PHACTR4: variants seen among roughly 807,000 people sequenced by gnomAD.
PHACTR4 encodes the protein protein phosphatase 1, regulatory subunit 124.
PHACTR4 carries 51 observed loss-of-function variants against 72.7 expected under a neutral mutation model. That is an observed-to-expected ratio of 0.70 (90% CI 0.56 to 0.89). PHACTR4 has a LOEUF of 0.89. Ranked by LOEUF, PHACTR4 falls within the 40% of genes least tolerant of loss-of-function variation. The pLI is 0.00. For missense variants in PHACTR4, 731 were observed against 861.8 expected (o/e 0.85, Z 1.90); for synonymous variants, 255 against 302.5 (o/e 0.84, Z 1.63).
intron 1 of PHACTR4, among the ~76,000 whole-genome samples, chr1:28,382,559 T>TC (rs1391868752): frequency 6.6e-6 from 1 of 152,088 alleles, no homozygotes; most frequent in Admixed American, 6.6e-5. Context: ...CGCCTCAGCC[T>TC]CCCAAAGTGC....
At chr1:28,444,793 T>C (rs2124422893) in intron 2 of PHACTR4, among the ~76,000 whole-genome samples, 1 of 146,152 alleles carries the variant, frequency 6.8e-6, no homozygotes, top group Non-Finnish European at 1.5e-5. Flanking sequence ...TTTTTTTTTT[T>C]TTTTTTTGTA....
At chr1:28,490,306 T>A (rs78228196) in intron 10 of PHACTR4, among the ~76,000 whole-genome samples, 2 of 151,944 alleles carry the variant, frequency 1.3e-5, no homozygotes, top group East Asian at 3.9e-4. Context: ...CCGAGGCGAG[T>A]GGATCACAAG....
chr1:28,487,791 A>C lies in PHACTR4; in HGVS notation c.1761-1379A>C, dbSNP rs1320247364. Among the ~76,000 whole-genome samples the C allele has an allele frequency of 3.2e-5, 4 of 124,154 alleles. No individual in the cohort carries two copies. The East Asian group carries it at 9.1e-4, about 28-fold the overall frequency. The allele number at this position is 124,154 out of a possible 152,430, so 81.4% of individuals were successfully genotyped here. On this transcript the variant is annotated intron_variant, in intron 9 of 13. Coordinates refer to ENST00000373839, the MANE Select transcript of PHACTR4 (RefSeq NM_001048183.3). The stretch of plus-strand genomic sequence containing the variant: ...CACTCTGTCGCCCAAGCAGGAGTGC[A>C]GTAGCATGAGCTTCAGCTCACTGCA...
chr1:28,438,694 TTTATA>T (rs1164944025), intron 2 of PHACTR4, among the ~76,000 whole-genome samples: 2 of 152,340 alleles, frequency 1.3e-5, no homozygotes, highest in African/African-American at 2.4e-5. Context: ...TTTGAAGTTT[TTTATA>T]TTATATTGCT....
intron 1 of PHACTR4, among the ~76,000 whole-genome samples, chr1:28,390,437 T>C (rs1652920922): frequency 6.6e-6 from 1 of 152,212 alleles, no homozygotes; most frequent in Non-Finnish European, 1.5e-5. Flanking sequence ...GCATTAAATA[T>C]CTGTTGGGTA....
intron 6 of PHACTR4, among the ~76,000 whole-genome samples, chr1:28,468,114 T>C (rs1296139665): frequency 2.6e-5 from 4 of 152,288 alleles, no homozygotes; most frequent in African/African-American, 9.6e-5. Context: ...TTGGAGTAGC[T>C]TGATGAAAAC....
intron 13 of PHACTR4, among the ~76,000 whole-genome samples, chr1:28,493,747 G>A (rs961019927): frequency 6.6e-6 from 1 of 152,196 alleles, no homozygotes; most frequent in Non-Finnish European, 1.5e-5. Context: ...CTTCAAGGAT[G>A]TGAGGTGCTC....
At chr1:28,382,335 C>T (rs10902699) in intron 1 of PHACTR4, among the ~76,000 whole-genome samples, 58,973 of 151,226 alleles carry the variant, frequency 0.39, 13,289 homozygotes, top group African/African-American at 0.62. Context: ...ACAGAGTCTC[C>T]CTCTGTTGCC....
chr1:28,416,181 A>G (rs1265755150), intron 2 of PHACTR4, among the ~76,000 whole-genome samples: 1 of 152,174 alleles, frequency 6.6e-6, no homozygotes, highest in African/African-American at 2.4e-5. Context: ...AAATTCCTCC[A>G]GTATTACATG....
At chr1:28,375,377 ATTAT>A (rs1016775499) in intron 1 of PHACTR4, among the ~76,000 whole-genome samples, 3 of 149,608 alleles carry the variant, frequency 2.0e-5, no homozygotes, top group African/African-American at 7.4e-5. Flanking sequence ...TTGGAAGAAG[ATTAT>A]TTATAAAGAG....
intron 1 of PHACTR4, among the ~76,000 whole-genome samples, chr1:28,380,051 C>CTTTTT (rs1227241664): frequency 1.4e-4 from 16 of 117,308 alleles, no homozygotes; most frequent in Admixed American, 3.0e-4. Context: ...TTAAATGTAA[C>CTTTTT]TTTTTTTTTT....
At chr1:28,388,760 G>A (rs189877041) in intron 1 of PHACTR4, among the ~76,000 whole-genome samples, 58 of 152,188 alleles carry the variant, frequency 3.8e-4, no homozygotes, top group Non-Finnish European at 6.3e-4. Context: ...TGAGATAGGA[G>A]AATCGCTTGA....
intron 2 of PHACTR4, 35 bp from the exon 3 acceptor site, chr1:28,459,050 T>G: frequency 6.4e-7 from 1 of 1,551,208 alleles, no homozygotes; most frequent in Non-Finnish European, 8.8e-7. Context: ...AAATAATACA[T>G]TTGCTTCCTT....
intron 1 of PHACTR4, among the ~76,000 whole-genome samples, chr1:28,391,518 G>A (rs2124194586): frequency 6.6e-6 from 1 of 150,936 alleles, no homozygotes; most frequent in South Asian, 2.1e-4. Context: ...GTTGGTCAAA[G>A]GATATAAAAT....
chr1:28,415,702 G>T (rs868393912), intron 2 of PHACTR4, among the ~76,000 whole-genome samples: 65 of 152,238 alleles, frequency 4.3e-4, no homozygotes, highest in African/African-American at 1.5e-3. Flanking sequence ...TTTGGTGATT[G>T]TTTAATGAGA....
intron 9 of PHACTR4, 104 bp from the exon 10 acceptor site, chr1:28,489,066 T>G: frequency 1.4e-6 from 1 of 725,508 alleles, no homozygotes. Flanking sequence ...ATTTGTTGAT[T>G]TCTTACTTAT....
chr1:28,454,062 A>T lies in PHACTR4; in HGVS notation c.17-5023A>T, dbSNP rs567306302. 199 of 259,920 alleles carry T rather than the reference A, an allele frequency of 7.7e-4. 1 individual carries two copies. The highest frequency in any genetic ancestry group is 2.9e-3 in the East Asian group (30 of 10,352). 16.1% of individuals were successfully genotyped at this position (259,920 alleles called of 1,614,324 possible). A position where few individuals can be genotyped will look rare whatever the true frequency, so the allele number is the denominator to read the frequency against. ...AAGACCTTGTCTCTATTAAAAAAAA[A>T]TTTTTTTTTTAATTAGCCAGGTGTA... On this transcript the variant is annotated intron_variant, in intron 2 of 13. Coordinates refer to ENST00000373839, the MANE Select transcript of PHACTR4 (RefSeq NM_001048183.3).
At chr1:28,482,441 A>G (rs889075966) in intron 9 of PHACTR4, among the ~76,000 whole-genome samples, 2 of 152,176 alleles carry the variant, frequency 1.3e-5, no homozygotes, top group East Asian at 1.9e-4. Flanking sequence ...AACCAAAAGT[A>G]TAGAGAAACT....
intron 2 of PHACTR4, among the ~76,000 whole-genome samples, chr1:28,451,215 A>G (rs924437419): frequency 3.4e-4 from 51 of 151,612 alleles, no homozygotes; most frequent in African/African-American, 1.1e-3. Flanking sequence ...TGGCCTTCCA[A>G]TGTGCTGGGA....
Sources: gnomAD v4.1 joint callset for allele counts (sites outside exome capture counted in the v4.1 genomes callset) on GRCh38, gnomAD v4.1.1 for gene constraint, MANE v1.5 for transcripts, NCBI Gene and HGNC (gene_info 2026-07-23, HGNC 2026-07-21) for gene names.